The following PRKN variants were observed in gnomAD, a reference collection of about 807,000 sequenced individuals.
PRKN encodes parkin RBR E3 ubiquitin protein ligase.
In PRKN, 56 loss-of-function variants were observed where a neutral mutation model predicts 59.5. The ratio of observed to expected loss-of-function variants is 0.94; its 90% CI spans 0.76 to 1.18. The LOEUF (loss-of-function observed/expected upper bound fraction) is 1.18. PRKN is among the 50% of genes most tolerant of loss of function. The pLI is 0.00. For synonymous variants in PRKN, 250 were observed against 222.1 expected (o/e 1.13, Z -1.12); for missense variants, 657 against 596.4 (o/e 1.10, Z -1.06).
chr6:161,569,531 C>T (rs1326860501), intron 7 of PRKN, 115 bp from the exon 8 acceptor site: 22 of 876,208 alleles, frequency 2.5e-5, no homozygotes, highest in Middle Eastern at 2.2e-4. Context: ...AGGACACAGA[C>T]GTGTACCTGA....
intron 9 of PRKN, among the ~76,000 whole-genome samples, chr6:161,439,261 A>G (rs1021228549): frequency 6.6e-6 from 1 of 152,114 alleles, no homozygotes; most frequent in Non-Finnish European, 1.5e-5. Context: ...TCTCCCAACA[A>G]CTGGCCTCCC....
At chr6:162,506,607 G>C (rs1793618214) in intron 1 of PRKN, among the ~76,000 whole-genome samples, 1 of 152,178 alleles carries the variant, frequency 6.6e-6, no homozygotes, top group African/African-American at 2.4e-5. Context: ...GGTGATTAAA[G>C]TTTAGGAAGA....
At chr6:161,785,489 ACT>A (rs1313767110) in intron 7 of PRKN, among the ~76,000 whole-genome samples, 1 of 152,148 alleles carries the variant, frequency 6.6e-6, no homozygotes, top group African/African-American at 2.4e-5. Flanking sequence ...ATGGAGAGTG[ACT>A]CTAACCCACA....
intron 1 of PRKN, among the ~76,000 whole-genome samples, chr6:162,630,564 G>A (rs1783071504): frequency 6.6e-6 from 1 of 152,020 alleles, no homozygotes; most frequent in African/African-American, 2.4e-5. Context: ...AACATGTAAT[G>A]GGGATTTAAG....
chr6:161,618,038 T>C (rs1371740147), intron 7 of PRKN, among the ~76,000 whole-genome samples: 1 of 152,230 alleles, frequency 6.6e-6, no homozygotes, highest in African/African-American at 2.4e-5. Context: ...ACCTCTCCAC[T>C]TCCACACTGA....
intron 1 of PRKN, among the ~76,000 whole-genome samples, chr6:162,593,341 C>G (rs768935243): frequency 6.6e-6 from 1 of 152,112 alleles, no homozygotes; most frequent in East Asian, 1.9e-4. Context: ...CTGGATGGCA[C>G]GTCTATTTTG....
At chr6:161,720,445 C>T (rs1787171349) in intron 7 of PRKN, among the ~76,000 whole-genome samples, 1 of 152,062 alleles carries the variant, frequency 6.6e-6, no homozygotes, top group Non-Finnish European at 1.5e-5. Flanking sequence ...GCAGGGTCTG[C>T]TCTGGAAGCA....
chr6:161,622,927 T>C (rs973053038), intron 7 of PRKN, among the ~76,000 whole-genome samples: 1 of 152,246 alleles, frequency 6.6e-6, no homozygotes, highest in Admixed American at 6.5e-5. Flanking sequence ...AATCATCTGC[T>C]CTTGTGGCTC....
intron 1 of PRKN, among the ~76,000 whole-genome samples, chr6:162,547,565 T>TCA (rs113188442): frequency 0.28 from 42,357 of 151,982 alleles, 6,663 homozygotes; most frequent in Non-Finnish European, 0.37. Flanking sequence ...GCTCCCAATG[T>TCA]CACAGTTAGT....
intron 1 of PRKN, among the ~76,000 whole-genome samples, chr6:162,560,947 T>C (rs553963125): frequency 1.3e-5 from 2 of 150,342 alleles, no homozygotes; most frequent in African/African-American, 4.9e-5. Context: ...AGAGATCATT[T>C]CCAGGTAACA....
At position 162,337,656 on chromosome 6, in the gene PRKN, C is replaced by T. The variant is rs1783902784; in HGVS notation, c.172-74891G>A. Among the ~76,000 whole-genome samples, 4 of 152,260 alleles carry T rather than the reference C, an allele frequency of 2.6e-5. 1 individual carries two copies. The highest frequency in any genetic ancestry group is 2.6e-4 in the Admixed American group (4 of 15,290). ...GTCTCGCTGGCAGCTGCAGGATCAGCAGGTCTCGATCCATCATCATTCCTC... is the reference window on the plus strand; with the variant it reads ...GTCTCGCTGGCAGCTGCAGGATCAGTAGGTCTCGATCCATCATCATTCCTC... On this transcript the variant is annotated intron_variant, in intron 2 of 11. Coordinates refer to ENST00000366898, the MANE Select transcript of PRKN (RefSeq NM_004562.3).
At chr6:162,707,407 T>C (rs1026882943) in intron 1 of PRKN, among the ~76,000 whole-genome samples, 2 of 152,140 alleles carry the variant, frequency 1.3e-5, no homozygotes, top group Non-Finnish European at 2.9e-5. Context: ...ATACAAAATA[T>C]GTTCAGTCTA....
At chr6:162,100,101 G>A in intron 4 of PRKN, among the ~76,000 whole-genome samples, 1 of 152,128 alleles carries the variant, frequency 6.6e-6, no homozygotes, top group South Asian at 2.1e-4. Context: ...CAGATGACAG[G>A]GTATTGTTCT....
rs1441559318 is a variant in PRKN, at chr6:161,405,429, T to G, written c.1084-18552A>C. On this transcript the variant is annotated intron_variant, in intron 9 of 11. Transcript: ENST00000366898. The surrounding 1 kb of genome is among the most constrained non-coding windows in gnomAD (Gnocchi z 5.1). ...CCCGTCTCTACCGAAAATGCACAAA[T>G]TAGCCAGGCATGGTGGCACACATCT... Among the ~76,000 whole-genome samples, 2 of 151,698 alleles carry G rather than the reference T, an allele frequency of 1.3e-5. No homozygotes were observed. The highest frequency in any genetic ancestry group is 3.9e-4 in the East Asian group (2 of 5,170).
chr6:162,303,613 TA>T (rs67760132), intron 2 of PRKN, among the ~76,000 whole-genome samples: 19,969 of 151,438 alleles, frequency 0.13, 2,887 homozygotes, highest in African/African-American at 0.36. Flanking sequence ...TAGGAAGCTG[TA>T]AAAAAAAATT....
At chr6:162,682,104 A>G (rs1249031903) in intron 1 of PRKN, among the ~76,000 whole-genome samples, 1 of 152,180 alleles carries the variant, frequency 6.6e-6, no homozygotes, top group East Asian at 1.9e-4. Flanking sequence ...AATTTTATTT[A>G]TCTGAATCTA....
At chr6:162,645,770 C>T (rs375037923) in intron 1 of PRKN, among the ~76,000 whole-genome samples, 2 of 151,836 alleles carry the variant, frequency 1.3e-5, no homozygotes, top group African/African-American at 2.4e-5. Flanking sequence ...ACGTACTCTA[C>T]GTGTCTTCTC....
intron 2 of PRKN, among the ~76,000 whole-genome samples, chr6:162,336,866 A>G (rs752287424): frequency 1.6e-4 from 25 of 152,182 alleles, no homozygotes; most frequent in Non-Finnish European, 2.4e-4. Context: ...AAAATGTGAG[A>G]AGCAGTGCTC....
rs116050692 is a variant in PRKN, at chr6:161,935,174, A to G, written c.734+38128T>C. Among the ~76,000 whole-genome samples the G allele has an allele frequency of 9.0e-3, 1,373 of 152,246 alleles. 18 individuals are homozygous for G. The highest frequency in any genetic ancestry group is 0.031 in the African/African-American group (1,307 of 41,528). On this transcript the variant is annotated intron_variant, in intron 6 of 11. Transcript: ENST00000366898. Reference sequence around the variant, plus strand: ...AATGCATATTATAGAAAAACTACGCATGGATTCCAATTTTTGTGCCAAAAT... The same window carrying G: ...AATGCATATTATAGAAAAACTACGCGTGGATTCCAATTTTTGTGCCAAAAT...
Sources: gnomAD v4.1 joint callset for allele counts (sites outside exome capture counted in the v4.1 genomes callset) on GRCh38, gnomAD v4.1.1 for gene constraint, Gnocchi (gnomAD v3.1) non-coding constraint, MANE v1.5 for transcripts, NCBI Gene and HGNC (gene_info 2026-07-23, HGNC 2026-07-21) for gene names.